UNC13C: variants seen among roughly 807,000 people sequenced by gnomAD.
The protein encoded by UNC13C is unc-13 homolog C, also known as protein unc-13 homolog C.
A neutral mutation model predicts 245.4 loss-of-function variants in UNC13C; 174 were observed. That is an observed-to-expected ratio of 0.71 (90% CI 0.63 to 0.80). UNC13C has a LOEUF of 0.80. UNC13C is among the 30% of genes least tolerant of loss of function. The pLI, the probability that UNC13C is intolerant of heterozygous loss-of-function variation, is 0.00. For synonymous variants in UNC13C, 992 were observed against 895.1 expected (o/e 1.11, Z -1.93); for missense variants, 2,829 against 2,602.9 (o/e 1.09, Z -1.89).
intron 2 of UNC13C, among the ~76,000 whole-genome samples, chr15:54,062,720 A>C (rs1897899145): frequency 6.6e-6 from 1 of 152,162 alleles, no homozygotes; most frequent in Non-Finnish European, 1.5e-5. Flanking sequence ...ACCCAAGCAT[A>C]CTGCTGTTAG....
intron 19 of UNC13C, among the ~76,000 whole-genome samples, chr15:54,422,497 C>A (rs1306203987): frequency 6.6e-6 from 1 of 151,984 alleles, no homozygotes; most frequent in Non-Finnish European, 1.5e-5. Flanking sequence ...TTTACTATGG[C>A]GTATAATGTA....
chr15:54,043,277 G>A (rs571426377), intron 2 of UNC13C, among the ~76,000 whole-genome samples: 1 of 152,312 alleles, frequency 6.6e-6, no homozygotes, highest in East Asian at 1.9e-4. Context: ...CTATGCAACA[G>A]ACAGAGAATT....
At chr15:53,882,830 T>C in the UNC13C span, among the ~76,000 whole-genome samples, 2 of 152,146 alleles carry the variant, frequency 1.3e-5, no homozygotes, top group Admixed American at 1.3e-4. Context: ...CTGAGGATGG[T>C]ACTATTATTT....
In UNC13C at chr15:54,375,821, G is replaced by A. The variant is rs917405910; in HGVS notation, c.4714-17227G>A. Among the ~76,000 whole-genome samples, 5 of 152,192 alleles carry A rather than the reference G, an allele frequency of 3.3e-5. No individual in the cohort carries two copies. In the South Asian group the frequency reaches 1.0e-3, roughly 31 times the overall value. ...CTAGATTGCAGCCCCCTGAAACATAGAGCAGAAGACCCAGCGGAGCTGTGC... is the reference window on the plus strand; with the variant it reads ...CTAGATTGCAGCCCCCTGAAACATAAAGCAGAAGACCCAGCGGAGCTGTGC... On this transcript the variant is annotated intron_variant, in intron 17 of 32. Coordinates refer to ENST00000260323, the MANE Select transcript of UNC13C (RefSeq NM_001080534.3).
chr15:54,627,995 A>G lies in UNC13C; in HGVS notation c.*882A>G, dbSNP rs922883147. 1 of 152,428 alleles carries G rather than the reference A, an allele frequency of 6.6e-6. No homozygotes were observed. Among genetic ancestry groups the G allele is most frequent in the African/African-American group, 2.4e-5 (1 of 41,460 alleles). The allele number at this position is 152,428 out of a possible 1,614,324, so 9.4% of individuals were successfully genotyped here. A position where few individuals can be genotyped will look rare whatever the true frequency, so the allele number is the denominator to read the frequency against. The stretch of plus-strand genomic sequence containing the variant: ...AATCAGTTCAATGCTTTATTTTTAA[A>G]AATATTCAATGATTAGTATTGAATG... On this transcript the variant is annotated 3_prime_UTR_variant, in exon 33 of 33. Coordinates refer to ENST00000260323, the MANE Select transcript of UNC13C (RefSeq NM_001080534.3).
At chr15:54,144,724 A>G (rs963940221) in intron 4 of UNC13C, among the ~76,000 whole-genome samples, 3 of 152,192 alleles carry the variant, frequency 2.0e-5, no homozygotes, top group African/African-American at 7.2e-5. Context: ...CAAATATTTG[A>G]AAACATTCAT....
intron 4 of UNC13C, among the ~76,000 whole-genome samples, chr15:54,198,844 G>C (rs964639482): frequency 2.6e-5 from 4 of 151,934 alleles, no homozygotes; most frequent in Non-Finnish European, 5.9e-5. Flanking sequence ...CACCTGTAAT[G>C]GATCCAAATC....
At chr15:54,052,544 T>G (rs1897317184) in intron 2 of UNC13C, among the ~76,000 whole-genome samples, 2 of 152,316 alleles carry the variant, frequency 1.3e-5, no homozygotes, top group South Asian at 2.1e-4. Context: ...CTTTGAAAAT[T>G]TTTGTTGGTA....
intron 19 of UNC13C, among the ~76,000 whole-genome samples, chr15:54,467,791 G>T (rs573835590): frequency 5.3e-5 from 8 of 151,614 alleles, no homozygotes; most frequent in Non-Finnish European, 1.0e-4. Context: ...ATGTCAGACT[G>T]CCCTGCTCTT....
intron 19 of UNC13C, among the ~76,000 whole-genome samples, chr15:54,437,379 G>T (rs1432949544): frequency 6.6e-6 from 1 of 151,924 alleles, no homozygotes; most frequent in East Asian, 1.9e-4. Context: ...TCACTCAACA[G>T]ATGCTCTAAA....
the UNC13C span, among the ~76,000 whole-genome samples, chr15:53,904,265 G>A: frequency 6.6e-6 from 1 of 152,002 alleles, no homozygotes; most frequent in Non-Finnish European, 1.5e-5. Flanking sequence ...AGCATTTGAG[G>A]AATTTATGGG....
the UNC13C span, among the ~76,000 whole-genome samples, chr15:53,938,439 A>G: frequency 6.6e-6 from 1 of 152,136 alleles, no homozygotes; most frequent in Non-Finnish European, 1.5e-5. Context: ...TGACAATACT[A>G]GACAGATCAT....
chr15:54,167,602 G>GA (rs35210236), intron 4 of UNC13C, among the ~76,000 whole-genome samples: 11,279 of 63,626 alleles, frequency 0.18, 1,094 homozygotes, highest in Non-Finnish European at 0.22. Context: ...ATCCAAATAG[G>GA]AAAAAAAAAA....
chr15:54,427,187 C>T (rs948196412), intron 19 of UNC13C, among the ~76,000 whole-genome samples: 1 of 151,742 alleles, frequency 6.6e-6, no homozygotes, highest in Admixed American at 6.6e-5. Context: ...AACCTCAACT[C>T]GAATTGTGTC....
the UNC13C span, among the ~76,000 whole-genome samples, chr15:53,941,142 A>G: frequency 1.3e-5 from 2 of 152,186 alleles, no homozygotes; most frequent in African/African-American, 4.8e-5. Flanking sequence ...GAACTCAGAA[A>G]TAAGGCCACA....
chr15:54,630,155 ATTACAGGTCT>A (rs1368592466), downstream of UNC13C: 9 of 152,208 alleles, frequency 5.9e-5, no homozygotes, highest in African/African-American at 2.2e-4. Context: ...TAAACCTCAC[ATTACAGGTCT>A]TTAAAGATAC....
the UNC13C span, among the ~76,000 whole-genome samples, chr15:53,896,724 T>A: frequency 6.6e-6 from 1 of 152,178 alleles, no homozygotes; most frequent in Non-Finnish European, 1.5e-5. Context: ...GTGCCTGCTG[T>A]GGATTTTTAG....
intron 20 of UNC13C, 106 bp downstream of exon 20, chr15:54,494,840 G>C: frequency 1.5e-6 from 2 of 1,311,894 alleles, no homozygotes; most frequent in Non-Finnish European, 2.1e-6. Flanking sequence ...ATCTTCATTG[G>C]AATGCAGAAA....
At chr15:54,030,864 A>T (rs191142470) in intron 2 of UNC13C, among the ~76,000 whole-genome samples, 1 of 152,202 alleles carries the variant, frequency 6.6e-6, no homozygotes, top group African/African-American at 2.4e-5. Context: ...AAGAGCCCAA[A>T]ATCCTATTTG....
Sources: allele counts gnomAD v4.1 joint callset (sites outside exome capture counted in the v4.1 genomes callset), GRCh38; gene constraint gnomAD v4.1.1; transcripts MANE v1.5; gene names NCBI Gene and HGNC (gene_info 2026-07-23, HGNC 2026-07-21).